AKAP6: variants seen among roughly 807,000 people sequenced by gnomAD.
AKAP6 encodes the protein A-kinase anchor protein 6.
AKAP6 carries 58 observed loss-of-function variants against 188.5 expected under a neutral mutation model. That is an observed-to-expected ratio of 0.31 (90% CI 0.25 to 0.38). AKAP6 has a LOEUF of 0.38. AKAP6 is among the 10% of genes least tolerant of loss of function. AKAP6 has a pLI of 1.00. For missense variants in AKAP6, 2,710 were observed against 2,740.0 expected, an observed-to-expected ratio of 0.99 and a Z score of 0.24; for synonymous variants, 989 against 998.6, an observed-to-expected ratio of 0.99 and a Z score of 0.18.
At chr14:32,349,425 A>C (rs1887186846) in intron 1 of AKAP6, among the ~76,000 whole-genome samples, 1 of 152,200 alleles carries the variant, frequency 6.6e-6, no homozygotes, top group Non-Finnish European at 1.5e-5. Flanking sequence ...AAGAATGCAG[A>C]CTTCCGGTCC....
intron 1 of AKAP6, among the ~76,000 whole-genome samples, chr14:32,398,112 T>G (rs1188215705): frequency 6.6e-6 from 1 of 152,240 alleles, no homozygotes; most frequent in Non-Finnish European, 1.5e-5. Context: ...GAGAACTCCC[T>G]CTGCCCTTTA....
chr14:32,823,246 T>C lies in AKAP6; in HGVS notation c.5433T>C (p.Ser1811=), dbSNP rs979441741. 2.5e-5 allele frequency: 40 copies of C among 1,613,598 alleles called. No individual in the cohort carries two copies. The highest frequency in any genetic ancestry group is 3.1e-5 in the Non-Finnish European group (37 of 1,179,898). ...AGACCTGGATTAGGCCAAAATTGTC[T>C]TTGACAAGAGATAAGAAAAGGTGCA... is the stretch of plus-strand genomic sequence containing the variant. ...ELQTWIRPKL[S]LTRDKKRCNV... The change falls in exon 13 of 14, where the codon TCT becomes TCC. Residue 1811 remains serine, a synonymous_variant. Transcript: ENST00000280979.
At chr14:32,672,649 G>C (rs1426809234) in intron 7 of AKAP6, among the ~76,000 whole-genome samples, 5 of 152,098 alleles carry the variant, frequency 3.3e-5, no homozygotes, top group Admixed American at 3.3e-4. Flanking sequence ...CACATTGGGG[G>C]TTAGGGCTTC....
At chr14:32,349,154 A>G (rs2138438885) in intron 1 of AKAP6, among the ~76,000 whole-genome samples, 1 of 152,374 alleles carries the variant, frequency 6.6e-6, no homozygotes, top group African/African-American at 2.4e-5. Context: ...TCTGTAGGGC[A>G]ATGGCCATTT....
chr14:32,399,112 C>A lies in AKAP6; in HGVS notation c.-34-34348C>A, dbSNP rs188692246. The stretch of plus-strand genomic sequence containing the variant: ...TAGGCAATTCACCCGCCTTGGCCTC[C>A]CAAAGTGCTAGGATTACAGGCGTGA... On this transcript the variant is annotated intron_variant, in intron 1 of 13. Coordinates refer to ENST00000280979, the MANE Select transcript of AKAP6 (RefSeq NM_004274.5). Among the ~76,000 whole-genome samples the A allele has an allele frequency of 1.4e-4, 21 of 152,188 alleles. 1 individual carries two copies. The East Asian group carries it at 2.3e-3, about 17-fold the overall frequency.
At chr14:32,689,790 A>C (rs1367344959) in intron 8 of AKAP6, among the ~76,000 whole-genome samples, 3 of 152,178 alleles carry the variant, frequency 2.0e-5, no homozygotes, top group Admixed American at 2.0e-4. Context: ...ATTTTACTTC[A>C]GTAAAATACT....
intron 9 of AKAP6, chr14:32,726,108 C>T: frequency 1.1e-6 from 1 of 879,320 alleles, no homozygotes; most frequent in South Asian, 5.2e-5. Context: ...TTAAGGTTTT[C>T]TAGTTCCCAC....
chr14:32,765,205 T>C (rs550646778), intron 11 of AKAP6, among the ~76,000 whole-genome samples: 1 of 152,286 alleles, frequency 6.6e-6, no homozygotes, highest in East Asian at 1.9e-4. Context: ...AGTGCTGGGA[T>C]TACAGGTGTG....
At chr14:32,376,853 T>C (rs765202860) in intron 1 of AKAP6, among the ~76,000 whole-genome samples, 1 of 152,128 alleles carries the variant, frequency 6.6e-6, no homozygotes, top group Non-Finnish European at 1.5e-5. Context: ...CCCACCATCA[T>C]GACTGACAAA....
intron 9 of AKAP6, among the ~76,000 whole-genome samples, chr14:32,716,829 T>G (rs1459356011): frequency 1.3e-5 from 2 of 152,104 alleles, no homozygotes; most frequent in Middle Eastern, 6.8e-3. Flanking sequence ...ATGGGAAATT[T>G]GCAGTCTTGC....
intron 9 of AKAP6, among the ~76,000 whole-genome samples, chr14:32,704,463 T>C (rs1284765979): frequency 6.6e-6 from 1 of 152,168 alleles, no homozygotes; most frequent in Non-Finnish European, 1.5e-5. Context: ...ATCACTGCCA[T>C]CTTTGGCTCC....
intron 12 of AKAP6, among the ~76,000 whole-genome samples, chr14:32,800,059 C>CTATATATATATA (rs1305584690): frequency 2.7e-4 from 30 of 111,368 alleles, no homozygotes; most frequent in Middle Eastern, 4.3e-3. Flanking sequence ...CTCTCTCTCT[C>CTATATATATATA]TCTATATATA....
intron 13 of AKAP6, among the ~76,000 whole-genome samples, chr14:32,826,986 A>G (rs1057476375): frequency 6.6e-6 from 1 of 152,146 alleles, no homozygotes; most frequent in Non-Finnish European, 1.5e-5. Flanking sequence ...TACTGGTCCT[A>G]TTCAGGATTT....
chr14:32,745,131 C>T (rs1212046963), intron 11 of AKAP6, among the ~76,000 whole-genome samples: 1 of 152,010 alleles, frequency 6.6e-6, no homozygotes, highest in East Asian at 1.9e-4. Context: ...TTGGTGAGGT[C>T]ATGTTTTCCT....
intron 2 of AKAP6, among the ~76,000 whole-genome samples, chr14:32,493,989 C>A (rs1470364867): frequency 1.3e-5 from 2 of 151,208 alleles, no homozygotes; most frequent in African/African-American, 2.5e-5. Flanking sequence ...GGCCATTGAA[C>A]TGACTGTCAG....
At chr14:32,685,625 G>A in intron 8 of AKAP6, among the ~76,000 whole-genome samples, 1 of 150,972 alleles carries the variant, frequency 6.6e-6, no homozygotes, top group Non-Finnish European at 1.5e-5. Context: ...TAGGGAGGCT[G>A]AGGCAGGAGA....
chr14:32,723,112 G>A (rs2030641074), intron 9 of AKAP6, among the ~76,000 whole-genome samples: 1 of 152,148 alleles, frequency 6.6e-6, no homozygotes, highest in Admixed American at 6.5e-5. Context: ...GCAAGTGGCC[G>A]AGTAAACGAG....
At chr14:32,526,138 C>T (rs1025176404) in intron 2 of AKAP6, among the ~76,000 whole-genome samples, 3 of 152,096 alleles carry the variant, frequency 2.0e-5, no homozygotes, top group Non-Finnish European at 2.9e-5. Flanking sequence ...GATCATGGCT[C>T]ACTGTAGCCT....
chr14:32,681,251 A>G (rs1674583717), intron 8 of AKAP6, among the ~76,000 whole-genome samples: 1 of 152,146 alleles, frequency 6.6e-6, no homozygotes, highest in Admixed American at 6.5e-5. Context: ...TATTTTTCTA[A>G]TGAATTTCAA....
Sources: gnomAD v4.1 joint callset for allele counts (sites outside exome capture counted in the v4.1 genomes callset) on GRCh38, gnomAD v4.1.1 for gene constraint, MANE v1.5 for transcripts, NCBI Gene and HGNC (gene_info 2026-07-23, HGNC 2026-07-21) for gene names.